Variants in KDM7A observed in about 807,000 individuals in gnomAD.
KDM7A encodes the protein lysine-specific demethylase 7A.
In KDM7A, 28 loss-of-function variants were observed where a neutral mutation model predicts 114.8. The observed-to-expected ratio is 0.24, with a 90% CI of 0.18 to 0.33. The LOEUF is 0.33. KDM7A is among the 10% of genes least tolerant of loss of function. The pLI is 1.00. For missense variants in KDM7A, 942 were observed against 1,142.5 expected, an observed-to-expected ratio of 0.82 and a Z score of 2.53; for synonymous variants, 423 against 397.8, an observed-to-expected ratio of 1.06 and a Z score of -0.75.
At chr7:140,163,744 T>C (rs978970857) in intron 1 of KDM7A, among the ~76,000 whole-genome samples, 17 of 152,160 alleles carry the variant, frequency 1.1e-4, no homozygotes, top group Admixed American at 9.8e-4. Flanking sequence ...ATATTTCTCA[T>C]CCTTTAATAA....
intron 1 of KDM7A, among the ~76,000 whole-genome samples, chr7:140,143,252 G>C (rs1794305829): frequency 6.6e-6 from 1 of 151,458 alleles, no homozygotes; most frequent in African/African-American, 2.4e-5. Context: ...TCAAAACTAG[G>C]GAAAGCCGAA....
chr7:140,103,952 C>T (rs963624276), intron 11 of KDM7A, among the ~76,000 whole-genome samples: 5 of 152,158 alleles, frequency 3.3e-5, no homozygotes, highest in Admixed American at 2.0e-4. Flanking sequence ...TCCTATTTCT[C>T]CACATCCTCT....
intron 1 of KDM7A, among the ~76,000 whole-genome samples, chr7:140,165,384 G>A (rs1008299666): frequency 3.3e-5 from 5 of 152,168 alleles, no homozygotes; most frequent in Admixed American, 3.3e-4. Context: ...AGTAGTTAGG[G>A]CTATTTTCCC....
chr7:140,113,536 T>G lies in KDM7A; in HGVS notation c.1293A>C (p.Gly431=). 3 of 1,608,334 alleles carry G rather than the reference T, an allele frequency of 1.9e-6. No individual in the cohort carries two copies. Among genetic ancestry groups the G allele is most frequent in the Non-Finnish European group, 2.6e-6 (3 of 1,175,844 alleles). The part of the protein sequence containing the change: ...GFQPQTYLVQ[G]VKALHTALKL... ...TTAAAGCAGTATGCAGTGCTTTCAC[T>G]CCCTGTACTAGGTAAGTTTGAGGCT... is the stretch of plus-strand genomic sequence containing the variant. Residue 431 remains glycine, a synonymous_variant, in exon 10 of 20, where the codon GGA becomes GGC. Transcript: ENST00000397560.
chr7:140,100,721 T>TATATATATATATATATATATACAC (rs1818205270), intron 12 of KDM7A, among the ~76,000 whole-genome samples: 1 of 57,240 alleles, frequency 1.7e-5, no homozygotes, highest in Non-Finnish European at 3.5e-5. Context: ...CATATATATA[T>TATATATATATATATATATATACAC]ATATATATAT....
intron 2 of KDM7A, among the ~76,000 whole-genome samples, chr7:140,135,915 A>C (rs961934561): frequency 1.3e-5 from 2 of 152,076 alleles, no homozygotes; most frequent in Non-Finnish European, 2.9e-5. Flanking sequence ...GAAAAAAAAA[A>C]AAAAGGCAGC....
chr7:140,100,660 TTATATATATATATATATATACATATA>T (rs1818185570), intron 12 of KDM7A, among the ~76,000 whole-genome samples: 1 of 111,300 alleles, frequency 9.0e-6, no homozygotes, highest in African/African-American at 3.5e-5. Flanking sequence ...TTTTAAAAAG[TTATATATATATATATATATACATATA>T]TACATATATA....
At chr7:140,140,023 A>C (rs1794245009) in intron 1 of KDM7A, among the ~76,000 whole-genome samples, 1 of 152,228 alleles carries the variant, frequency 6.6e-6, no homozygotes, top group South Asian at 2.1e-4. Flanking sequence ...CTCCAGGCCC[A>C]GATGACCTCA....
At chr7:140,097,521 C>G in intron 15 of KDM7A, 24 bp downstream of exon 15, 1 of 1,272,044 alleles carries the variant, frequency 7.9e-7, no homozygotes, top group South Asian at 1.3e-5. Flanking sequence ...AAATAACGTA[C>G]AAGCCATGGG....
At chr7:140,126,392 C>T (rs1216279596) in intron 6 of KDM7A, among the ~76,000 whole-genome samples, 1 of 151,108 alleles carries the variant, frequency 6.6e-6, no homozygotes, top group Admixed American at 6.6e-5. Context: ...AAGAAACCAA[C>T]TTAAAAGATG....
At chr7:140,138,113 G>C (rs1296491221) in intron 2 of KDM7A, among the ~76,000 whole-genome samples, 1 of 152,122 alleles carries the variant, frequency 6.6e-6, no homozygotes, top group Non-Finnish European at 1.5e-5. Context: ...TTCGAGACCA[G>C]CCTGGGCAAC....
At chr7:140,171,579 ATAT>A (rs1404555710) in intron 1 of KDM7A, among the ~76,000 whole-genome samples, 1 of 131,620 alleles carries the variant, frequency 7.6e-6, no homozygotes, top group East Asian at 2.3e-4. Context: ...TTATATATAT[ATAT>A]TTTTATATAG....
chr7:140,097,471 T>C, intron 15 of KDM7A, 74 bp downstream of exon 15: 2 of 809,202 alleles, frequency 2.5e-6, no homozygotes, highest in Non-Finnish European at 4.1e-6. Context: ...GTCATTTGCC[T>C]TGCTTCCAGG....
intron 1 of KDM7A, among the ~76,000 whole-genome samples, chr7:140,162,037 A>T (rs1003777407): frequency 1.3e-5 from 2 of 152,124 alleles, no homozygotes; most frequent in Non-Finnish European, 2.9e-5. Context: ...TCAAACTGTT[A>T]TAATTACTAA....
chr7:140,103,654 G>C (rs529380978), intron 11 of KDM7A, among the ~76,000 whole-genome samples: 3 of 151,802 alleles, frequency 2.0e-5, no homozygotes, highest in Non-Finnish European at 4.4e-5. Flanking sequence ...TCCTTTTTTT[G>C]GCTGCATAGT....
At chr7:140,097,068 A>G in intron 15 of KDM7A, 21 bp from the exon 16 acceptor site, 2 of 1,591,168 alleles carry the variant, frequency 1.3e-6, no homozygotes, top group Non-Finnish European at 1.7e-6. Flanking sequence ...AATTACATGG[A>G]AACAAAGCTA....
At chr7:140,151,290 A>C (rs1585162292) in intron 1 of KDM7A, among the ~76,000 whole-genome samples, 1 of 152,142 alleles carries the variant, frequency 6.6e-6, no homozygotes, top group Non-Finnish European at 1.5e-5. Context: ...GCTTCGTTGG[A>C]CTTTAAGCTC....
At chr7:140,108,854 G>A (rs555801808) in intron 11 of KDM7A, among the ~76,000 whole-genome samples, 1 of 152,178 alleles carries the variant, frequency 6.6e-6, no homozygotes, top group Non-Finnish European at 1.5e-5. Context: ...GTTCAGCTAT[G>A]CCCTGCCCCC....
intron 12 of KDM7A, among the ~76,000 whole-genome samples, chr7:140,100,718 A>ATATATATATATATATACACATATG: frequency 2.7e-5 from 1 of 37,730 alleles, no homozygotes; most frequent in African/African-American, 8.3e-5. Flanking sequence ...ACACATATAT[A>ATATATATATATATATACACATATG]TATATATATA....
Sources: allele counts gnomAD v4.1 joint callset (sites outside exome capture counted in the v4.1 genomes callset), GRCh38; gene constraint gnomAD v4.1.1; transcripts MANE v1.5; gene names NCBI Gene and HGNC (gene_info 2026-07-23, HGNC 2026-07-21).